BBS9: variants seen among roughly 807,000 people sequenced by gnomAD.
BBS9 encodes protein PTHB1.
Under a neutral mutation model 117.7 loss-of-function variants are expected in BBS9, and 89 were observed. The observed-to-expected ratio is 0.76, with a 90% confidence interval of 0.64 to 0.90. The LOEUF (loss-of-function observed/expected upper bound fraction) is 0.90. BBS9 is among the 40% of genes least tolerant of loss of function. The pLI is 0.00. For synonymous variants in BBS9, 379 were observed against 370.9 expected, an observed-to-expected ratio of 1.02 and a Z score of -0.25; for missense variants, 982 against 1,042.2, an observed-to-expected ratio of 0.94 and a Z score of 0.80.
At chr7:33,207,251 A>C (rs1238240434) in intron 5 of BBS9, among the ~76,000 whole-genome samples, 1 of 152,204 alleles carries the variant, frequency 6.6e-6, no homozygotes, top group African/African-American at 2.4e-5. Flanking sequence ...ACCCATTAGC[A>C]ATTCTTGCCT....
At chr7:33,390,623 G>C (rs965256469) in intron 19 of BBS9, 2 of 965,604 alleles carry the variant, frequency 2.1e-6, no homozygotes, top group Admixed American at 1.2e-4. Flanking sequence ...TAAGTTTCAT[G>C]AGCATAATAA....
intron 19 of BBS9, among the ~76,000 whole-genome samples, chr7:33,442,524 C>T (rs1004608077): frequency 2.0e-5 from 3 of 152,092 alleles, no homozygotes; most frequent in African/African-American, 7.2e-5. Context: ...GAGGGGTGAA[C>T]ATTAATAATG....
At chr7:33,415,919 C>T (rs184163112) in intron 19 of BBS9, among the ~76,000 whole-genome samples, 4 of 152,236 alleles carry the variant, frequency 2.6e-5, no homozygotes, top group Admixed American at 6.5e-5. Context: ...GCTGCAGCCT[C>T]GACCTCCCTG....
intron 9 of BBS9, among the ~76,000 whole-genome samples, chr7:33,322,023 A>G (rs1298849307): frequency 1.7e-4 from 26 of 152,014 alleles, no homozygotes; most frequent in Non-Finnish European, 4.4e-5. Context: ...ATGTATCACA[A>G]TGATTGATTT....
intron 21 of BBS9, among the ~76,000 whole-genome samples, chr7:33,592,880 G>T (rs555753509): frequency 1.3e-5 from 2 of 152,064 alleles, no homozygotes; most frequent in African/African-American, 4.8e-5. Context: ...AGGCAAAGGG[G>T]AGTTATGCTC....
At chr7:33,586,663 A>G (rs1421737246) in intron 21 of BBS9, among the ~76,000 whole-genome samples, 1 of 152,134 alleles carries the variant, frequency 6.6e-6, no homozygotes, top group Non-Finnish European at 1.5e-5. Flanking sequence ...TCAGCAGTGG[A>G]TTGGATAAAG....
chr7:33,328,554 T>G (rs1384728031), intron 9 of BBS9, among the ~76,000 whole-genome samples: 1 of 152,202 alleles, frequency 6.6e-6, no homozygotes, highest in Non-Finnish European at 1.5e-5. Flanking sequence ...AATCATATGC[T>G]CCTTACTGAG....
At chr7:33,346,055 C>T (rs115719342) in intron 12 of BBS9, among the ~76,000 whole-genome samples, 2,219 of 152,268 alleles carry the variant, frequency 0.015, 46 homozygotes, top group African/African-American at 0.051. Flanking sequence ...ACCTAAGTCA[C>T]AACTGTCTTT....
intron 20 of BBS9, among the ~76,000 whole-genome samples, chr7:33,510,099 T>C (rs1846715028): frequency 6.6e-6 from 1 of 152,190 alleles, no homozygotes; most frequent in Non-Finnish European, 1.5e-5. Context: ...AAAAAAGCTC[T>C]TACACTTGGT....
At chr7:33,590,113 G>T (rs1861591610) in intron 21 of BBS9, among the ~76,000 whole-genome samples, 1 of 152,092 alleles carries the variant, frequency 6.6e-6, no homozygotes, top group Non-Finnish European at 1.5e-5. Flanking sequence ...TCAGCTGAGA[G>T]CTGAAAATTA....
intron 19 of BBS9, among the ~76,000 whole-genome samples, chr7:33,394,588 C>A (rs560887719): frequency 6.6e-6 from 1 of 152,096 alleles, no homozygotes; most frequent in East Asian, 1.9e-4. Context: ...GGAAAAATAT[C>A]ATTCTTTTTG....
chr7:33,619,518 A>T (rs1346935142), intron 21 of BBS9, among the ~76,000 whole-genome samples: 1 of 152,146 alleles, frequency 6.6e-6, no homozygotes, highest in South Asian at 2.1e-4. Context: ...CCTAACAGAC[A>T]TATGTATAAC....
At chr7:33,578,299 C>G (rs1859289086) in intron 21 of BBS9, among the ~76,000 whole-genome samples, 1 of 152,138 alleles carries the variant, frequency 6.6e-6, no homozygotes, top group Non-Finnish European at 1.5e-5. Flanking sequence ...TGAGGTAGAG[C>G]TGGTAGGAAA....
chr7:33,431,646 T>C (rs75522367), intron 19 of BBS9, among the ~76,000 whole-genome samples: 4,537 of 152,298 alleles, frequency 0.03, 230 homozygotes, highest in African/African-American at 0.1. Context: ...AGACATTGAA[T>C]TGTTAGCACT....
chr7:33,444,850 C>T (rs1836759130), intron 19 of BBS9, among the ~76,000 whole-genome samples: 2 of 152,194 alleles, frequency 1.3e-5, no homozygotes, highest in South Asian at 4.1e-4. Context: ...CAACTGAAGA[C>T]AAAGCCTTAT....
rs1039010067 is a variant in BBS9 at position 33,600,176 on chromosome 7, G to T, written c.2522-4689G>T. Among the ~76,000 whole-genome samples, 27 of 152,062 alleles carry T rather than the reference G, an allele frequency of 1.8e-4. 1 individual carries two copies. Among genetic ancestry groups the T allele is most frequent in the Non-Finnish European group, 4.4e-5 (3 of 68,018 alleles). On this transcript the variant is annotated intron_variant, in intron 21 of 22. Coordinates refer to ENST00000242067, the MANE Select transcript of BBS9 (RefSeq NM_198428.3). The stretch of plus-strand genomic sequence containing the variant: ...AGTTAGTGCTACTCAAAGTATCGCC[G>T]GAAGACTGGCATCTGTCTGCAAACT...
intron 21 of BBS9, among the ~76,000 whole-genome samples, chr7:33,540,350 T>A (rs1469351542): frequency 6.6e-6 from 1 of 152,168 alleles, no homozygotes. Flanking sequence ...GGTGGATACA[T>A]TGATATGGAA....
At chr7:33,586,211 C>T (rs989118161) in intron 21 of BBS9, among the ~76,000 whole-genome samples, 20 of 151,766 alleles carry the variant, frequency 1.3e-4, no homozygotes, top group African/African-American at 4.8e-4. Flanking sequence ...ACCAAATAAC[C>T]TCATTAAAAA....
chr7:33,542,539 C>A (rs879796682), intron 21 of BBS9, among the ~76,000 whole-genome samples: 7 of 152,082 alleles, frequency 4.6e-5, no homozygotes, highest in Non-Finnish European at 1.0e-4. Flanking sequence ...GCATTTGTGT[C>A]CTCATAGCTT....
Sources: allele counts gnomAD v4.1 joint callset (sites outside exome capture counted in the v4.1 genomes callset), GRCh38; gene constraint gnomAD v4.1.1; transcripts MANE v1.5; gene names NCBI Gene and HGNC (gene_info 2026-07-23, HGNC 2026-07-21).